The following SEC22A variants were observed in gnomAD, a reference collection of about 807,000 sequenced individuals.
SEC22A encodes the protein vesicle-trafficking protein SEC22a.
SEC22A carries 22 observed loss-of-function variants against 35.3 expected under a neutral mutation model. The ratio of observed to expected loss-of-function variants is 0.62; its 90% CI spans 0.45 to 0.89. SEC22A has a LOEUF of 0.89. Among genes scored for constraint, SEC22A ranks in the 40% least tolerant of loss-of-function variants. The pLI is 0.00. For missense variants in SEC22A, 354 were observed against 362.5 expected (o/e 0.98, Z 0.19); for synonymous variants, 119 against 129.5 (o/e 0.92, Z 0.55).
chr3:123,246,450 G>C (rs926626309), intron 5 of SEC22A, among the ~76,000 whole-genome samples: 7 of 152,170 alleles, frequency 4.6e-5, no homozygotes, highest in Non-Finnish European at 1.0e-4. Context: ...AGAATGAAGA[G>C]GGCACACGTG....
In SEC22A at chr3:123,271,602, G is replaced by T. The variant is rs1475091173; in HGVS notation, c.804G>T (p.Met268Ile). Residue 268 changes from methionine (M) to isoleucine (I), a missense_variant, in exon 7 of 7, where the codon ATG becomes ATT. Met to Ile is a conservative substitution (Grantham distance 10, BLOSUM62 1). Transcript: ENST00000492595. ...TTGGCTTAATCTGTCTATGCAACAT[G>T]TATCTCTATGAACTGCGCAACCTCT... Reference protein sequence around the residue: ...LTFGLICLCNMYLYELRNLWQ... With the variant: ...LTFGLICLCNIYLYELRNLWQ... The T allele has an allele frequency of 1.9e-6, 3 of 1,614,152 alleles. No individual in the cohort carries two copies. The highest frequency in any genetic ancestry group is 2.2e-5 in the South Asian group (2 of 91,082).
chr3:123,209,718 T>G (rs1350201732), intron 2 of SEC22A, among the ~76,000 whole-genome samples: 1 of 152,206 alleles, frequency 6.6e-6, no homozygotes, highest in East Asian at 1.9e-4. Context: ...ATTTTTTACC[T>G]GATATCTGCC....
At chr3:123,231,706 G>A (rs1937330182) in intron 4 of SEC22A, among the ~76,000 whole-genome samples, 1 of 152,038 alleles carries the variant, frequency 6.6e-6, no homozygotes, top group Admixed American at 6.6e-5. Flanking sequence ...CGCTGTAAAT[G>A]CCTATGTTTA....
rs537793156 is a variant in SEC22A at position 123,204,230 on chromosome 3, T to G, written c.-20+2244T>G. ...TAAATTAGGAGAAAAACTTAACATC[T>G]CAAAACTGATTTCACAGATATTATT... On this transcript the variant is annotated intron_variant, in intron 1 of 6. Coordinates refer to ENST00000492595, the MANE Select transcript of SEC22A (RefSeq NM_012430.5). Among the ~76,000 whole-genome samples, 59 of 152,122 alleles carry G rather than the reference T, an allele frequency of 3.9e-4. No homozygotes were observed. In the South Asian group the frequency reaches 0.012, roughly 31 times the overall value.
At chr3:123,231,696 C>T (rs1345014598) in intron 4 of SEC22A, among the ~76,000 whole-genome samples, 5 of 152,008 alleles carry the variant, frequency 3.3e-5, no homozygotes, top group Admixed American at 6.6e-5. Flanking sequence ...GAAAATTTAT[C>T]GCTGTAAATG....
At chr3:123,206,364 C>T (rs781174661) in intron 1 of SEC22A, among the ~76,000 whole-genome samples, 2 of 152,070 alleles carry the variant, frequency 1.3e-5, no homozygotes, top group African/African-American at 2.4e-5. Context: ...GCCATGGCAC[C>T]CCATCCAATC....
chr3:123,228,308 A>G (rs528759318), intron 4 of SEC22A, among the ~76,000 whole-genome samples: 32 of 151,436 alleles, frequency 2.1e-4, no homozygotes, highest in South Asian at 1.0e-3. Context: ...GCTCACACCT[A>G]TAATCCCAGC....
chr3:123,259,111 T>C (rs988008944), intron 5 of SEC22A, among the ~76,000 whole-genome samples: 5 of 152,252 alleles, frequency 3.3e-5, no homozygotes, highest in African/African-American at 7.2e-5. Context: ...TTCAGTGATA[T>C]ACTTACTAGC....
At chr3:123,230,844 TTAAA>T (rs1937314404) in intron 4 of SEC22A, among the ~76,000 whole-genome samples, 1 of 151,936 alleles carries the variant, frequency 6.6e-6, no homozygotes, top group Non-Finnish European at 1.5e-5. Flanking sequence ...TGTTAATATA[TTAAA>T]TAATCCAGTC....
At chr3:123,210,717 A>G (rs935905352) in intron 2 of SEC22A, among the ~76,000 whole-genome samples, 2 of 152,220 alleles carry the variant, frequency 1.3e-5, no homozygotes, top group Non-Finnish European at 2.9e-5. Context: ...CAAGCTGGAT[A>G]TTGATTATGC....
intron 4 of SEC22A, among the ~76,000 whole-genome samples, chr3:123,241,728 C>A (rs967522759): frequency 1.3e-5 from 2 of 152,100 alleles, no homozygotes; most frequent in Non-Finnish European, 2.9e-5. Context: ...CTCTTAACAT[C>A]GCCAGTTGTT....
In SEC22A at chr3:123,203,702, A is replaced by G. The variant is rs946086986; in HGVS notation, c.-20+1716A>G. Among the ~76,000 whole-genome samples, 5 of 152,182 alleles carry G rather than the reference A, an allele frequency of 3.3e-5. No homozygotes were observed. The South Asian group carries it at 8.3e-4, about 25-fold the overall frequency. On this transcript the variant is annotated intron_variant, in intron 1 of 6. Transcript: ENST00000492595. Reference sequence around the variant, plus strand: ...AGACTGATGAAGCATAGTGATGTAGAGATACTAGAAACTTAGACCGAAGTA... The same window carrying G: ...AGACTGATGAAGCATAGTGATGTAGGGATACTAGAAACTTAGACCGAAGTA...
chr3:123,231,676 A>G (rs1937329675), intron 4 of SEC22A, among the ~76,000 whole-genome samples: 1 of 152,234 alleles, frequency 6.6e-6, no homozygotes. Flanking sequence ...AGCAAAAGCT[A>G]AATTTAGAGG....
At chr3:123,206,915 T>A (rs1936863330) in intron 1 of SEC22A, among the ~76,000 whole-genome samples, 1 of 152,108 alleles carries the variant, frequency 6.6e-6, no homozygotes, top group South Asian at 2.1e-4. Flanking sequence ...TGGCGAAACC[T>A]CATCTCTACT....
intron 1 of SEC22A, among the ~76,000 whole-genome samples, chr3:123,207,376 G>C (rs1256645350): frequency 6.6e-6 from 1 of 151,654 alleles, no homozygotes; most frequent in Non-Finnish European, 1.5e-5. Flanking sequence ...AGATAATATT[G>C]ACCTAGATTA....
At chr3:123,203,891 G>A (rs1936801648) in intron 1 of SEC22A, among the ~76,000 whole-genome samples, 2 of 152,064 alleles carry the variant, frequency 1.3e-5, no homozygotes, top group Non-Finnish European at 2.9e-5. Context: ...CCTAGATGTG[G>A]GTAAAATCTG....
At chr3:123,261,753 A>G (rs985562657) in intron 6 of SEC22A, among the ~76,000 whole-genome samples, 3 of 152,180 alleles carry the variant, frequency 2.0e-5, no homozygotes, top group African/African-American at 7.2e-5. Context: ...AGGATATACC[A>G]TTATATCGTC....
chr3:123,222,423 T>TC (rs1466914549), intron 2 of SEC22A, among the ~76,000 whole-genome samples: 2 of 152,046 alleles, frequency 1.3e-5, no homozygotes, highest in African/African-American at 4.8e-5. Flanking sequence ...GGTCTCAAGT[T>TC]CCTGACCTCA....
At chr3:123,264,248 T>C (rs1449565996) in intron 6 of SEC22A, among the ~76,000 whole-genome samples, 1 of 152,252 alleles carries the variant, frequency 6.6e-6, no homozygotes, top group Admixed American at 6.5e-5. Context: ...TGTTTTAAAA[T>C]GTTGGCTGTT....
Sources: gnomAD v4.1 joint callset for allele counts (sites outside exome capture counted in the v4.1 genomes callset) on GRCh38, gnomAD v4.1.1 for gene constraint, MANE v1.5 for transcripts, NCBI Gene and HGNC (gene_info 2026-07-23, HGNC 2026-07-21) for gene names.